SDK1: variants seen among roughly 807,000 people sequenced by gnomAD.
SDK1 encodes protein sidekick-1.
Under a neutral mutation model 245.5 loss-of-function variants are expected in SDK1, and 157 were observed. That is an observed-to-expected ratio of 0.64 (90% CI 0.56 to 0.73). The LOEUF (loss-of-function observed/expected upper bound fraction) is 0.73, where lower values mean the gene tolerates loss of function less well. SDK1 is among the 30% of genes least tolerant of loss of function. SDK1 has a pLI of 0.00. For missense variants in SDK1, 3,583 were observed against 3,002.3 expected (o/e 1.19, Z -4.52); for synonymous variants, 1,647 against 1,278.5 (o/e 1.29, Z -6.15).
At chr7:3,889,744 G>A (rs183737653) in intron 5 of SDK1, among the ~76,000 whole-genome samples, 25 of 152,178 alleles carry the variant, frequency 1.6e-4, no homozygotes, top group Non-Finnish European at 2.6e-4. Flanking sequence ...TCCTGACCTC[G>A]TGATCCACCC....
In SDK1 at chr7:3,702,456, T is replaced by C. The variant is rs151137770; in HGVS notation, c.713+60351T>C. Among the ~76,000 whole-genome samples, 911 of 152,288 alleles carry C rather than the reference T, an allele frequency of 6.0e-3. 7 individuals are homozygous for C. The highest frequency in any genetic ancestry group is 0.021 in the African/African-American group (855 of 41,558). On this transcript the variant is annotated intron_variant, in intron 4 of 44. Transcript: ENST00000404826. ...TCCTGCAGAGGTTTTAGCTGGACTT[T>C]CCATACTGGACATGAATAAGCACCC...
chr7:4,046,734 G>C (rs10275757), intron 17 of SDK1, among the ~76,000 whole-genome samples: 4,553 of 152,026 alleles, frequency 0.03, 231 homozygotes, highest in African/African-American at 0.1. Context: ...ATTTTTTTCA[G>C]ACTTGCTTTG....
chr7:3,579,623 A>G (rs966881947), intron 1 of SDK1, among the ~76,000 whole-genome samples: 3 of 152,186 alleles, frequency 2.0e-5, no homozygotes, highest in African/African-American at 7.2e-5. Flanking sequence ...GAAGACAAGG[A>G]TGCCCTCTCT....
chr7:4,183,975 C>T (rs1285469422), intron 35 of SDK1, among the ~76,000 whole-genome samples: 2 of 152,218 alleles, frequency 1.3e-5, no homozygotes, highest in African/African-American at 2.4e-5. Context: ...TGTTTGGCCT[C>T]AGCACACTCC....
intron 22 of SDK1, among the ~76,000 whole-genome samples, chr7:4,109,308 C>A (rs1783172175): frequency 6.6e-6 from 1 of 152,226 alleles, no homozygotes; most frequent in Admixed American, 6.5e-5. Context: ...CTCTAGGAAG[C>A]AAGCCACCAG....
chr7:3,830,032 G>T (rs1409622579), intron 5 of SDK1, among the ~76,000 whole-genome samples: 1 of 152,168 alleles, frequency 6.6e-6, no homozygotes, highest in African/African-American at 2.4e-5. Flanking sequence ...GCATTAGACA[G>T]CACATAGGAC....
At chr7:3,919,007 C>G (rs895261069) in intron 5 of SDK1, among the ~76,000 whole-genome samples, 1 of 152,196 alleles carries the variant, frequency 6.6e-6, no homozygotes, top group African/African-American at 2.4e-5. Context: ...CCCATTAACT[C>G]ATAACTATTA....
chr7:4,174,455 A>G (rs1340738208), intron 33 of SDK1, 98 bp downstream of exon 33: 3 of 1,353,456 alleles, frequency 2.2e-6, no homozygotes, highest in Non-Finnish European at 3.1e-6. Context: ...GCTGTGGAAG[A>G]GGCTGAGAGA....
intron 4 of SDK1, among the ~76,000 whole-genome samples, chr7:3,749,748 C>T (rs1779724553): frequency 6.6e-6 from 1 of 152,228 alleles, no homozygotes; most frequent in Non-Finnish European, 1.5e-5. Flanking sequence ...ACCTCGTGGG[C>T]TGGCATTCTA....
intron 1 of SDK1, among the ~76,000 whole-genome samples, chr7:3,575,727 T>A (rs1780265873): frequency 6.6e-6 from 1 of 152,102 alleles, no homozygotes; most frequent in African/African-American, 2.4e-5. Flanking sequence ...CTCTTCATTT[T>A]TTTTGTTCTC....
intron 4 of SDK1, among the ~76,000 whole-genome samples, chr7:3,647,493 C>G (rs1463582325): frequency 2.0e-5 from 3 of 152,304 alleles, no homozygotes; most frequent in East Asian, 1.9e-4. Flanking sequence ...GTGGCATGAT[C>G]TCAGCTCACT....
At chr7:3,934,509 CA>C (rs1332102003) in intron 5 of SDK1, among the ~76,000 whole-genome samples, 3 of 152,226 alleles carry the variant, frequency 2.0e-5, no homozygotes, top group African/African-American at 7.2e-5. Flanking sequence ...AATGTGCATG[CA>C]AAATTCTTGA....
At chr7:3,774,328 C>T (rs1451991444) in intron 4 of SDK1, among the ~76,000 whole-genome samples, 1 of 152,168 alleles carries the variant, frequency 6.6e-6, no homozygotes, top group African/African-American at 2.4e-5. Flanking sequence ...GGCCACTGGC[C>T]TCTTTGTCTG....
intron 4 of SDK1, among the ~76,000 whole-genome samples, chr7:3,760,190 G>A (rs771725751): frequency 1.3e-4 from 19 of 151,970 alleles, no homozygotes; most frequent in South Asian, 2.1e-4. Context: ...TCGAGGTCTC[G>A]GCCATTTGGG....
chr7:3,941,296 C>T (rs781034124), intron 5 of SDK1, among the ~76,000 whole-genome samples: 2 of 152,078 alleles, frequency 1.3e-5, no homozygotes, highest in East Asian at 1.9e-4. Flanking sequence ...TTGGTTGTGG[C>T]TCCCTGACCG....
At chr7:4,256,504 G>C (rs939796485) in intron 44 of SDK1, among the ~76,000 whole-genome samples, 2 of 152,218 alleles carry the variant, frequency 1.3e-5, no homozygotes, top group Non-Finnish European at 2.9e-5. Flanking sequence ...CTCAGCAATG[G>C]AATAAACCCA....
At chr7:4,260,136 C>G (rs980115870) in intron 44 of SDK1, among the ~76,000 whole-genome samples, 19 of 151,494 alleles carry the variant, frequency 1.3e-4, no homozygotes, top group Non-Finnish European at 1.0e-4. Context: ...GATGGAGAAG[C>G]TGGCTGCTCC....
intron 1 of SDK1, among the ~76,000 whole-genome samples, chr7:3,425,290 C>G (rs1463751247): frequency 6.6e-6 from 1 of 151,930 alleles, no homozygotes; most frequent in East Asian, 1.9e-4. Context: ...AATTTATGGC[C>G]CTTATCTGTT....
chr7:3,604,490 T>A (rs1781354468), intron 1 of SDK1, among the ~76,000 whole-genome samples: 1 of 152,156 alleles, frequency 6.6e-6, no homozygotes, highest in Non-Finnish European at 1.5e-5. Context: ...CAACACTTCT[T>A]TAGCTGCATC....
Sources: allele counts gnomAD v4.1 joint callset (sites outside exome capture counted in the v4.1 genomes callset), GRCh38; gene constraint gnomAD v4.1.1; transcripts MANE v1.5; gene names NCBI Gene and HGNC (gene_info 2026-07-23, HGNC 2026-07-21).